The following UGGT2 variants were observed in gnomAD, a reference collection of about 807,000 sequenced individuals.
UGGT2 encodes the protein UDP-glucose:glycoprotein glucosyltransferase 2.
UGGT2 carries 180 observed loss-of-function variants against 192.1 expected under a neutral mutation model. The observed-to-expected ratio is 0.94, with a 90% CI of 0.83 to 1.06. UGGT2 has a LOEUF of 1.06. Ranked by LOEUF, UGGT2 falls within the 50% of genes least tolerant of loss-of-function variation. The probability of loss-of-function intolerance (pLI) is 0.00; values close to 1 mark genes in which losing one functional copy is unlikely to be tolerated. For missense variants in UGGT2, 1,849 were observed against 1,795.7 expected (o/e 1.03, Z -0.54); for synonymous variants, 580 against 591.0 (o/e 0.98, Z 0.27).
chr13:95,854,921 GAATAA>G (rs1889432691), intron 34 of UGGT2, among the ~76,000 whole-genome samples: 1 of 151,744 alleles, frequency 6.6e-6, no homozygotes, highest in African/African-American at 2.4e-5. Context: ...TAAATAGCTT[GAATAA>G]AATAATATAA....
intron 20 of UGGT2, among the ~76,000 whole-genome samples, chr13:95,915,573 C>T (rs2048656599): frequency 6.6e-6 from 1 of 152,202 alleles, no homozygotes; most frequent in African/African-American, 2.4e-5. Flanking sequence ...GCAAAAAATA[C>T]ACTTATCCCT....
At chr13:95,803,712 T>C (rs149600660) in intron 38 of UGGT2, among the ~76,000 whole-genome samples, 2,226 of 152,240 alleles carry the variant, frequency 0.015, 25 homozygotes, top group Non-Finnish European at 0.021. Flanking sequence ...AGTTAGTAAT[T>C]AACCCTCCCA....
At chr13:96,044,882 G>C (rs1390037426) in intron 1 of UGGT2, among the ~76,000 whole-genome samples, 1 of 151,992 alleles carries the variant, frequency 6.6e-6, no homozygotes, top group Non-Finnish European at 1.5e-5. Context: ...AAACGTCCAG[G>C]ACCAGACATA....
intron 19 of UGGT2, among the ~76,000 whole-genome samples, chr13:95,926,230 A>C (rs1002620635): frequency 3.3e-5 from 5 of 152,314 alleles, no homozygotes; most frequent in African/African-American, 1.2e-4. Context: ...GGAATCTGTT[A>C]GACAGTAATC....
intron 2 of UGGT2, among the ~76,000 whole-genome samples, chr13:96,030,691 T>G (rs1317484867): frequency 6.6e-6 from 1 of 152,192 alleles, no homozygotes; most frequent in African/African-American, 2.4e-5. Flanking sequence ...TGTCTCTATA[T>G]CTAAATGGCT....
intron 36 of UGGT2, among the ~76,000 whole-genome samples, chr13:95,845,213 T>G (rs1888272160): frequency 6.6e-6 from 1 of 151,876 alleles, no homozygotes; most frequent in Admixed American, 6.6e-5. Context: ...CATTCTTGGG[T>G]GTTTCTCGGA....
At chr13:96,021,447 G>T (rs1464309047) in intron 4 of UGGT2, among the ~76,000 whole-genome samples, 2 of 152,058 alleles carry the variant, frequency 1.3e-5, no homozygotes, top group South Asian at 2.1e-4. Context: ...TGCCATAAAG[G>T]AATAGATAAT....
intron 36 of UGGT2, among the ~76,000 whole-genome samples, chr13:95,840,610 A>G (rs1309356321): frequency 2.0e-5 from 3 of 152,154 alleles, no homozygotes; most frequent in African/African-American, 7.2e-5. Context: ...GTGGGAGTGT[A>G]CATTAGTTCA....
chr13:95,820,647 C>T (rs960555426), intron 38 of UGGT2, among the ~76,000 whole-genome samples: 5 of 151,844 alleles, frequency 3.3e-5, no homozygotes, highest in African/African-American at 4.8e-5. Flanking sequence ...AAGTGGTTTT[C>T]GGTTACTTGG....
chr13:95,814,971 A>C (rs1884754577), intron 38 of UGGT2, among the ~76,000 whole-genome samples: 2 of 152,226 alleles, frequency 1.3e-5, no homozygotes, highest in African/African-American at 4.8e-5. Flanking sequence ...ACAAGAGAAA[A>C]GCCATATGAT....
At chr13:96,007,188 C>G (rs998777929) in intron 5 of UGGT2, among the ~76,000 whole-genome samples, 8 of 152,182 alleles carry the variant, frequency 5.3e-5, no homozygotes, top group African/African-American at 1.7e-4. Flanking sequence ...ACCAAGAACA[C>G]AAAAACCATA....
At chr13:95,849,709 G>A (rs567857242) in intron 36 of UGGT2, among the ~76,000 whole-genome samples, 1 of 151,774 alleles carries the variant, frequency 6.6e-6, no homozygotes, top group African/African-American at 2.4e-5. Flanking sequence ...TGGTTCAGGG[G>A]TACATGTACA....
chr13:95,835,038 C>T (rs889176963), intron 37 of UGGT2, among the ~76,000 whole-genome samples: 1 of 152,072 alleles, frequency 6.6e-6, no homozygotes, highest in Non-Finnish European at 1.5e-5. Context: ...ATCCAAAATA[C>T]TAAGTCAACA....
chr13:95,898,782 T>C (rs1290122591), intron 22 of UGGT2, among the ~76,000 whole-genome samples: 1 of 152,124 alleles, frequency 6.6e-6, no homozygotes, highest in African/African-American at 2.4e-5. Context: ...CCTTCTGCCG[T>C]ATGAGGATGC....
intron 7 of UGGT2, among the ~76,000 whole-genome samples, chr13:95,994,345 A>G (rs2140910549): frequency 6.6e-6 from 1 of 152,050 alleles, no homozygotes; most frequent in African/African-American, 2.4e-5. Flanking sequence ...AAGTTAATTT[A>G]TTAAAAAACA....
intron 7 of UGGT2, chr13:95,991,422 G>T (rs1366349254): frequency 1.1e-5 from 5 of 450,468 alleles, no homozygotes; most frequent in Non-Finnish European, 2.2e-5. Flanking sequence ...TCTAACTGGT[G>T]TGAGATGGTG....
chr13:96,023,624 C>G lies in UGGT2; in HGVS notation c.372+5G>C, dbSNP rs770851354. ...GTCAAATACAGATTGGGTATTTTTACGCACCTGCTGAAACATCTGAATAGC... is the reference window on the plus strand; with the variant it reads ...GTCAAATACAGATTGGGTATTTTTAGGCACCTGCTGAAACATCTGAATAGC... On this transcript the variant is annotated splice_donor_5th_base_variant and intron_variant, in intron 3 of 38. Coordinates refer to ENST00000376747, the MANE Select transcript of UGGT2 (RefSeq NM_020121.4). 22 of 1,601,134 alleles carry G rather than the reference C, an allele frequency of 1.4e-5. No individual in the cohort carries two copies. Among genetic ancestry groups the G allele is most frequent in the Admixed American group, 1.7e-5 (1 of 58,644 alleles).
intron 16 of UGGT2, among the ~76,000 whole-genome samples, 197 bp downstream of exon 16, chr13:95,939,760 T>C (rs982508987): frequency 2.6e-5 from 4 of 152,140 alleles, no homozygotes; most frequent in African/African-American, 9.7e-5. Context: ...CTTGAACTTA[T>C]TTCTCTAGTC....
At chr13:95,902,688 CAG>C (rs10609734) in intron 21 of UGGT2, among the ~76,000 whole-genome samples, 164 bp downstream of exon 21, 3,221 of 152,114 alleles carry the variant, frequency 0.021, 110 homozygotes, top group African/African-American at 0.074. Flanking sequence ...TGCCTCTGTG[CAG>C]AGTCATATCA....
Sources: allele counts gnomAD v4.1 joint callset (sites outside exome capture counted in the v4.1 genomes callset), GRCh38; gene constraint gnomAD v4.1.1; transcripts MANE v1.5; gene names NCBI Gene and HGNC (gene_info 2026-07-23, HGNC 2026-07-21).